Variants in ASB14 observed in about 807,000 individuals in gnomAD.
The protein encoded by ASB14 is ankyrin repeat and SOCS box protein 14.
A neutral mutation model predicts 55.6 loss-of-function variants in ASB14; 63 were observed. The observed-to-expected ratio is 1.13, with a 90% CI of 0.92 to 1.40. The LOEUF is 1.40. Among genes scored for constraint, ASB14 ranks in the 40% most tolerant of loss-of-function variants. The pLI is 0.00. For missense variants in ASB14, 724 were observed against 710.4 expected, an observed-to-expected ratio of 1.02 and a Z score of -0.22; for synonymous variants, 256 against 259.9, an observed-to-expected ratio of 0.98 and a Z score of 0.15.
chr3:57,271,258 G>A (rs1410258585), intron 10 of ASB14: 1 of 152,414 alleles, frequency 6.6e-6, no homozygotes, highest in Non-Finnish European at 1.5e-5. Context: ...TGTAGGAATA[G>A]GATAATGATA....
At chr3:57,286,929 A>G (rs1182739508) in intron 5 of ASB14, among the ~76,000 whole-genome samples, 1 of 152,122 alleles carries the variant, frequency 6.6e-6, no homozygotes, top group Non-Finnish European at 1.5e-5. Flanking sequence ...TTCTTCTGGA[A>G]GCTTTCCTGA....
At chr3:57,289,970 G>A in intron 2 of ASB14, among the ~76,000 whole-genome samples, 1 of 152,128 alleles carries the variant, frequency 6.6e-6, no homozygotes, top group East Asian at 1.9e-4. Flanking sequence ...ATTATTTAAC[G>A]AACCCAGGTT....
intron 8 of ASB14, 49 bp from the exon 9 acceptor site, chr3:57,277,969 T>TATCTA (rs1348067990): frequency 6.5e-7 from 1 of 1,530,518 alleles, no homozygotes; most frequent in African/African-American, 1.4e-5. Flanking sequence ...AAACACAAAG[T>TATCTA]ATCTATGGTT....
Position 57,278,608 on chromosome 3 carries a change from C to G in ASB14, c.1200G>C (p.Glu400Asp). The G allele has an allele frequency of 6.8e-6, 11 of 1,614,230 alleles. No homozygotes were observed. Among genetic ancestry groups the G allele is most frequent in the Non-Finnish European group, 9.3e-6 (11 of 1,180,036 alleles). ...LQIALRMGNY[E>D]LISLLLRHGA... Reference sequence around the variant, plus strand: ...CATGCCTTAGCAGCAGACTGATCAGCTCATAGTTGCCCATCCTGAGGGCTA... The same window carrying G: ...CATGCCTTAGCAGCAGACTGATCAGGTCATAGTTGCCCATCCTGAGGGCTA... Residue 400 changes from glutamate (E) to aspartate (D), a missense_variant, in exon 8 of 11, where the codon GAG becomes GAC. Physicochemically the swap from Glu to Asp is conservative, Grantham distance 45. Transcript: ENST00000487349.
At chr3:57,287,356 G>A (rs1579435662) in intron 5 of ASB14, among the ~76,000 whole-genome samples, 1 of 152,148 alleles carries the variant, frequency 6.6e-6, no homozygotes, top group South Asian at 2.1e-4. Context: ...AGCCTGGAGG[G>A]TAAGGGCCTG....
chr3:57,285,683 T>A (rs2061075477), intron 5 of ASB14, among the ~76,000 whole-genome samples: 3 of 152,174 alleles, frequency 2.0e-5, no homozygotes. Context: ...AGTTTCCAAT[T>A]TATCATTAAT....
At chr3:57,282,215 T>A (rs1358331100) in intron 6 of ASB14, among the ~76,000 whole-genome samples, 3 of 152,188 alleles carry the variant, frequency 2.0e-5, no homozygotes, top group Non-Finnish European at 4.4e-5. Context: ...AAGATTTAGA[T>A]AATGTCTAAA....
At chr3:57,280,552 A>G (rs2107623572) in intron 6 of ASB14, 79 bp from the exon 7 acceptor site, 1 of 1,334,264 alleles carries the variant, frequency 7.5e-7, no homozygotes, top group Non-Finnish European at 1.0e-6. Flanking sequence ...ATATATCCCC[A>G]TCACCAAAAA....
intron 6 of ASB14, among the ~76,000 whole-genome samples, chr3:57,281,007 A>G (rs557739960): frequency 7.9e-5 from 12 of 152,338 alleles, no homozygotes; most frequent in South Asian, 2.1e-4. Context: ...AGTTATTAGT[A>G]CAGAGTATCC....
chr3:57,284,122 G>GTGTGTGTGTGTGTA lies in ASB14; in HGVS notation c.470-684_470-683insTACACACACACACA, dbSNP rs945228754. Among the ~76,000 whole-genome samples, 3 of 150,708 alleles carry GTGTGTGTGTGTGTA rather than the reference G, an allele frequency of 2.0e-5. No individual in the cohort carries two copies. In the East Asian group the frequency reaches 5.8e-4, roughly 29 times the overall value. On this transcript the variant is annotated intron_variant, in intron 5 of 10. Coordinates refer to ENST00000487349, the MANE Select transcript of ASB14 (RefSeq NM_001142733.3). ...TGTGTGTGTGTGTGTGTGTGTGTGT[G>GTGTGTGTGTGTGTA]TGTATGTATGTAAATATATATATAT...
chr3:57,281,160 C>A (rs1579428676), intron 6 of ASB14, among the ~76,000 whole-genome samples: 1 of 152,150 alleles, frequency 6.6e-6, no homozygotes. Context: ...GTAGGAATTT[C>A]TTTTGAGCAT....
Position 57,277,911 on chromosome 3 carries a change from C to G in ASB14, c.1441G>C (p.Val481Leu). 1 of 1,611,302 alleles carries G rather than the reference C, an allele frequency of 6.2e-7. No homozygotes were observed. The highest frequency in any genetic ancestry group is 1.1e-5 in the South Asian group (1 of 90,266). ...TVIKDTKFCE[V>L]ITLSWLQHLS... ...TGTTGCAGCCATGACAAAGTTATTA[C>G]TTCACAGAACTGAGGGAAACAAAAT... The change falls in exon 9 of 11, where the codon GTA becomes CTA. Residue 481 changes from valine to leucine, a missense_variant. Physicochemically the swap from Val to Leu is conservative, Grantham distance 32 (BLOSUM62 1). Transcript: ENST00000487349.
intron 3 of ASB14, 40 bp from the exon 4 acceptor site, chr3:57,288,326 CACTT>C: frequency 6.5e-7 from 1 of 1,532,442 alleles, no homozygotes; most frequent in Non-Finnish European, 8.7e-7. Flanking sequence ...ACATTTGGCA[CACTT>C]ACAAGGAAGC....
At chr3:57,275,106 C>T (rs1276935087) in intron 10 of ASB14, among the ~76,000 whole-genome samples, 2 of 152,052 alleles carry the variant, frequency 1.3e-5, no homozygotes, top group East Asian at 1.9e-4. Flanking sequence ...TACAGTAGGC[C>T]CCTTATCGCT....
chr3:57,271,552 T>TTTTG (rs1292163124), intron 10 of ASB14: 1 of 152,246 alleles, frequency 6.6e-6, no homozygotes, highest in Non-Finnish European at 1.5e-5. Flanking sequence ...CCATTAAGTC[T>TTTTG]TTTGTTTATA....
In ASB14 at chr3:57,268,560, T is replaced by A; in HGVS notation, c.*1081A>T. On this transcript the variant is annotated 3_prime_UTR_variant, in exon 11 of 11. Coordinates refer to ENST00000487349, the MANE Select transcript of ASB14 (RefSeq NM_001142733.3). ...TAATTCAGCACTATGACTTTCAGAT[T>A]TGAATTTCCAAATGAAGGGCTGTTT... is the stretch of plus-strand genomic sequence containing the variant. 6.8e-7 allele frequency: 1 copy of A among 1,461,420 alleles called. No homozygotes were observed. Among genetic ancestry groups the A allele is most frequent in the Non-Finnish European group, 9.1e-7 (1 of 1,104,924 alleles). 90.5% of individuals were successfully genotyped at this position (1,461,420 alleles called of 1,614,324 possible). A position where few individuals can be genotyped will look rare whatever the true frequency, so the allele number is the denominator to read the frequency against.
chr3:57,283,739 T>TA (rs200436105), intron 5 of ASB14, among the ~76,000 whole-genome samples: 1,947 of 152,142 alleles, frequency 0.013, 19 homozygotes, highest in South Asian at 0.036. Flanking sequence ...AATGGGAACT[T>TA]AATTATTCAG....
chr3:57,285,057 C>G (rs2061071173), intron 5 of ASB14, among the ~76,000 whole-genome samples: 1 of 151,238 alleles, frequency 6.6e-6, no homozygotes, highest in Admixed American at 6.6e-5. Context: ...TCTCCTGCCT[C>G]AGCCTCCCTA....
At position 57,278,438 on chromosome 3, in the gene ASB14, T is replaced by C; in HGVS notation, c.1370A>G (p.Asp457Gly). The C allele has an allele frequency of 6.2e-7, 1 of 1,614,192 alleles. No individual in the cohort carries two copies. The highest frequency in any genetic ancestry group is 1.1e-5 in the South Asian group (1 of 91,080). The change falls in exon 8 of 11, where the codon GAC becomes GGC. Residue 457 changes from aspartate (D) to glycine (G), a missense_variant. Coordinates refer to ENST00000487349, the MANE Select transcript of ASB14 (RefSeq NM_001142733.3). ...TERCFDCPHGDKVHPSYTVEG... is the reference protein window; with the variant it reads ...TERCFDCPHGGKVHPSYTVEG... ...AACAGTATAGGAAGGATGGACTTTG[T>C]CTCCATGTGGGCAATCAAAACATCG...
Sources: allele counts gnomAD v4.1 joint callset (sites outside exome capture counted in the v4.1 genomes callset), GRCh38; gene constraint gnomAD v4.1.1; transcripts MANE v1.5; gene names NCBI Gene and HGNC (gene_info 2026-07-23, HGNC 2026-07-21).